Variants in ERG observed in about 807,000 individuals in gnomAD.
The protein encoded by ERG is transcriptional regulator ERG.
In ERG, 9 loss-of-function variants were observed where a neutral mutation model predicts 55.3. The ratio of observed to expected loss-of-function variants is 0.16; its 90% CI spans 0.10 to 0.28. ERG has a LOEUF of 0.28. Among genes scored for constraint, ERG ranks in the 10% least tolerant of loss-of-function variants. The probability of loss-of-function intolerance (pLI) is 1.00; values close to 1 mark genes in which losing one functional copy is unlikely to be tolerated. For synonymous variants in ERG, 223 were observed against 237.3 expected (o/e 0.94, Z 0.55); for missense variants, 434 against 631.6 (o/e 0.69, Z 3.35).
At chr21:38,405,865 T>C (rs759137011) in intron 3 of ERG, among the ~76,000 whole-genome samples, 89 of 152,064 alleles carry the variant, frequency 5.9e-4, no homozygotes, top group Non-Finnish European at 1.1e-3. Flanking sequence ...TAAAAATCAG[T>C]GCACAGGCCA....
intron 1 of ERG, among the ~76,000 whole-genome samples, chr21:38,621,164 C>A (rs1206514301): frequency 3.3e-5 from 5 of 152,156 alleles, no homozygotes; most frequent in Non-Finnish European, 7.3e-5. Context: ...GGGATGAGAT[C>A]ACTTAGGAAG....
chr21:38,635,045 T>C (rs778523956), intron 1 of ERG, among the ~76,000 whole-genome samples: 2 of 152,100 alleles, frequency 1.3e-5, no homozygotes, highest in South Asian at 2.1e-4. Context: ...GAAAAGTCAA[T>C]ATGAAAAGCC....
intron 1 of ERG, among the ~76,000 whole-genome samples, chr21:38,622,333 G>T (rs1322454764): frequency 6.6e-6 from 1 of 151,980 alleles, no homozygotes; most frequent in African/African-American, 2.4e-5. Flanking sequence ...GAGGGAATGG[G>T]TCCCAGGTCT....
the ERG span, among the ~76,000 whole-genome samples, chr21:38,370,133 A>C: frequency 1.2e-4 from 19 of 152,108 alleles, no homozygotes; most frequent in African/African-American, 3.4e-4. Context: ...TTAATGTTTG[A>C]CAATATGGTG....
the ERG span, among the ~76,000 whole-genome samples, chr21:38,368,505 A>G: frequency 1.1e-4 from 16 of 152,126 alleles, no homozygotes; most frequent in Non-Finnish European, 2.9e-5. Flanking sequence ...TCTTTTTTCT[A>G]TATGCATGAC....
chr21:38,563,556 T>C (rs1310505038), intron 2 of ERG, among the ~76,000 whole-genome samples: 1 of 152,212 alleles, frequency 6.6e-6, no homozygotes, highest in East Asian at 1.9e-4. Context: ...GTTACAATCA[T>C]ACCTAGAAAG....
chr21:38,505,453 T>G (rs1227739312), intron 2 of ERG, among the ~76,000 whole-genome samples: 2 of 152,170 alleles, frequency 1.3e-5, no homozygotes, highest in Non-Finnish European at 2.9e-5. Context: ...CTTTTCCAAT[T>G]CACTCTTATG....
intron 2 of ERG, among the ~76,000 whole-genome samples, chr21:38,552,585 C>T (rs991967495): frequency 2.0e-5 from 3 of 152,150 alleles, no homozygotes; most frequent in African/African-American, 7.2e-5. Flanking sequence ...ACAAAAACCA[C>T]ATGATCATCT....
rs140207549 is a variant in ERG, at chr21:38,577,123, T to A, written c.-126-1376A>T. Among the ~76,000 whole-genome samples, 379 of 152,336 alleles carry A rather than the reference T, an allele frequency of 2.5e-3. 5 individuals are homozygous for A. Among genetic ancestry groups the A allele is most frequent in the African/African-American group, 8.7e-3 (360 of 41,570 alleles). On this transcript the variant is annotated intron_variant, in intron 1 of 8. Coordinates refer to the ERG transcript ENST00000398897. ...AAATAAACAATATGATTACAGAACT[T>A]GAGACATTTTCGAAGGCTGTCTTTC...
In ERG at chr21:38,391,680, C is replaced by T. The variant is rs1479045605; in HGVS notation, c.850G>A (p.Glu284Lys). The T allele has an allele frequency of 1.2e-6, 2 of 1,613,820 alleles. No homozygotes were observed. The highest frequency in any genetic ancestry group is 2.2e-5 in the East Asian group (1 of 44,874). ...QPSPSTVPKT[E>K]DQRPQLDPYQ... ...ATACCTAACTGAGGACGCTGGTCTT[C>T]AGTTTTGGGCACTGTGGAAGGAGAT... is the stretch of plus-strand genomic sequence containing the variant. Residue 284 changes from glutamate to lysine, a missense_variant, in exon 8 of 10, where the codon GAA becomes AAA. Coordinates refer to ENST00000288319, the MANE Select transcript of ERG (RefSeq NM_182918.4).
At chr21:38,522,988 T>C (rs1414967418) in intron 2 of ERG, among the ~76,000 whole-genome samples, 4 of 152,204 alleles carry the variant, frequency 2.6e-5, no homozygotes, top group African/African-American at 7.2e-5. Flanking sequence ...AAATGCATTG[T>C]TCCATATGGA....
intron 1 of ERG, among the ~76,000 whole-genome samples, chr21:38,459,571 A>C (rs539042959): frequency 6.6e-6 from 1 of 152,148 alleles, no homozygotes; most frequent in African/African-American, 2.4e-5. Flanking sequence ...TAGCCATTTT[A>C]ATCACCCCCT....
chr21:38,604,404 T>C (rs762912905), intron 1 of ERG, among the ~76,000 whole-genome samples: 2 of 152,160 alleles, frequency 1.3e-5, no homozygotes, highest in Non-Finnish European at 2.9e-5. Flanking sequence ...ACAGTATGAT[T>C]ACAATAAGAA....
chr21:38,393,271 AGT>A (rs1276308907), intron 6 of ERG, among the ~76,000 whole-genome samples: 2 of 152,228 alleles, frequency 1.3e-5, no homozygotes, highest in African/African-American at 2.4e-5. Flanking sequence ...CTGCATCCTC[AGT>A]GTGAGTTCTA....
intron 2 of ERG, among the ~76,000 whole-genome samples, chr21:38,504,829 T>C (rs1261384500): frequency 6.6e-6 from 1 of 152,230 alleles, no homozygotes; most frequent in Non-Finnish European, 1.5e-5. Flanking sequence ...AGTCAGAGTT[T>C]TAAATGATTT....
intron 1 of ERG, among the ~76,000 whole-genome samples, chr21:38,649,536 C>T (rs1193850303): frequency 6.6e-6 from 1 of 152,232 alleles, no homozygotes; most frequent in Non-Finnish European, 1.5e-5. Flanking sequence ...CTCATATTTA[C>T]ACATGTTCAC....
At chr21:38,391,789 T>A in intron 7 of ERG, 74 bp from the exon 8 acceptor site, 1 of 1,194,126 alleles carries the variant, frequency 8.4e-7, no homozygotes, top group Non-Finnish European at 1.2e-6. Flanking sequence ...TGTTGCATAA[T>A]CATTCTATCA....
chr21:38,630,016 A>G (rs1448721963), intron 1 of ERG, among the ~76,000 whole-genome samples: 1 of 152,160 alleles, frequency 6.6e-6, no homozygotes, highest in Non-Finnish European at 1.5e-5. Context: ...AAGAACAAAT[A>G]TCATATGACT....
chr21:38,371,932 C>T, the ERG span, among the ~76,000 whole-genome samples: 6 of 151,852 alleles, frequency 4.0e-5, no homozygotes, highest in East Asian at 1.2e-3. Context: ...AATTTTGGAC[C>T]TTAAATATTT....
Sources: allele counts gnomAD v4.1 joint callset (sites outside exome capture counted in the v4.1 genomes callset), GRCh38; gene constraint gnomAD v4.1.1; transcripts MANE v1.5; gene names NCBI Gene and HGNC (gene_info 2026-07-23, HGNC 2026-07-21).